Variants in DHX34 observed in about 807,000 individuals in gnomAD.
The protein encoded by DHX34 is probable ATP-dependent RNA helicase DHX34.
Under a neutral mutation model 111.1 loss-of-function variants are expected in DHX34, and 96 were observed. The observed-to-expected ratio is 0.86, with a 90% CI of 0.73 to 1.02. The LOEUF is 1.02. Among genes scored for constraint, DHX34 ranks in the 50% least tolerant of loss-of-function variants. The pLI is 0.00. For synonymous variants in DHX34, 688 were observed against 670.4 expected (o/e 1.03, Z -0.41); for missense variants, 1,560 against 1,579.9 (o/e 0.99, Z 0.21).
intron 9 of DHX34, among the ~76,000 whole-genome samples, chr19:47,374,774 A>C (rs1055283513): frequency 6.6e-6 from 1 of 152,104 alleles, no homozygotes; most frequent in African/African-American, 2.4e-5. Context: ...TTCAGGCTTC[A>C]TTGGTCCCCA....
intron 7 of DHX34, among the ~76,000 whole-genome samples, chr19:47,370,044 G>A (rs2547385): frequency 2.6e-5 from 4 of 152,048 alleles, no homozygotes; most frequent in African/African-American, 4.8e-5. Flanking sequence ...TGACCCTGTC[G>A]TTCTTGTGTG....
At position 47,381,007 on chromosome 19, in the gene DHX34, T is replaced by TC. The variant is rs1410614454; in HGVS notation, c.3159+17dup. ...ACTGCCTCACGGTAAGCATGAACCC[T>TC]CCTTCCCTGAAGGTGGGATTTCAGG... On this transcript the variant is annotated intron_variant, in intron 15 of 16. Coordinates refer to ENST00000328771, the MANE Select transcript of DHX34 (RefSeq NM_014681.6). The TC allele has an allele frequency of 6.4e-7, 1 of 1,550,626 alleles. No homozygotes were observed. Among genetic ancestry groups the TC allele is most frequent in the Non-Finnish European group, 8.7e-7 (1 of 1,148,112 alleles).
At chr19:47,357,588 G>A (rs1969493383) in intron 3 of DHX34, among the ~76,000 whole-genome samples, 1 of 152,160 alleles carries the variant, frequency 6.6e-6, no homozygotes, top group African/African-American at 2.4e-5. Flanking sequence ...ATCCTACGAT[G>A]CACAGGACAG....
Position 47,357,856 on chromosome 19 carries a change from C to T in DHX34, c.1018-10C>T. ...AGGGTGTGCTTCTACCTGGGGCTGT[C>T]TCCTCTCAGGTTGTGTACCAGCCGC... is the stretch of plus-strand genomic sequence containing the variant. On this transcript the variant is annotated splice_polypyrimidine_tract_variant and intron_variant, in intron 3 of 16. Coordinates refer to ENST00000328771, the MANE Select transcript of DHX34 (RefSeq NM_014681.6). 6.2e-7 allele frequency: 1 copy of T among 1,607,294 alleles called. No individual in the cohort carries two copies. The highest frequency in any genetic ancestry group is 8.5e-7 in the Non-Finnish European group (1 of 1,175,142).
At chr19:47,373,832 C>A in intron 9 of DHX34, 132 bp downstream of exon 9, 1 of 1,178,240 alleles carries the variant, frequency 8.5e-7, no homozygotes, top group Non-Finnish European at 1.2e-6. Context: ...TCCCCCACCA[C>A]CCGGTGACCA....
chr19:47,354,714 G>A (rs998383897), intron 2 of DHX34, among the ~76,000 whole-genome samples: 5 of 152,092 alleles, frequency 3.3e-5, no homozygotes, highest in Non-Finnish European at 7.4e-5. Flanking sequence ...GCAATGGTGC[G>A]ATCTTGGCTC....
In DHX34 at chr19:47,352,899, A is replaced by C. The variant is rs575054182; in HGVS notation, c.-132A>C. On this transcript the variant is annotated 5_prime_UTR_variant, in exon 2 of 17. Coordinates refer to ENST00000328771, the MANE Select transcript of DHX34 (RefSeq NM_014681.6). ...TGGTCCTGTGCCGTGACCAGGAGGAAAAATTAGCTCTTTGAAGAGAAAGTA... is the reference window on the plus strand; with the variant it reads ...TGGTCCTGTGCCGTGACCAGGAGGACAAATTAGCTCTTTGAAGAGAAAGTA... 8.3e-6 allele frequency: 12 copies of C among 1,445,032 alleles called. No homozygotes were observed. In the East Asian group the frequency reaches 3.0e-4, roughly 36 times the overall value. 89.5% of individuals were successfully genotyped at this position (1,445,032 alleles called of 1,614,324 possible). A position where few individuals can be genotyped will look rare whatever the true frequency, so the allele number is the denominator to read the frequency against.
chr19:47,362,366 A>G (rs1400481162), intron 5 of DHX34, 110 bp from the exon 6 acceptor site: 6 of 1,339,040 alleles, frequency 4.5e-6, no homozygotes, highest in African/African-American at 1.5e-5. Context: ...GTTAGCATTA[A>G]CAGAATAAAG....
In DHX34 at chr19:47,357,941, G is replaced by T. The variant is rs766416052; in HGVS notation, c.1093G>T (p.Val365Leu). The T allele has an allele frequency of 6.2e-7, 1 of 1,614,034 alleles. No individual in the cohort carries two copies. The highest frequency in any genetic ancestry group is 2.2e-5 in the East Asian group (1 of 44,882). Residue 365 changes from valine to leucine, a missense_variant, in exon 4 of 17, where the codon GTG becomes TTG. Transcript: ENST00000328771. The stretch of plus-strand genomic sequence containing the variant: ...GCTGGACCCGCGGCCTTTCCTGAGG[G>T]TGCTGGAGTCCATTGACCACAAGTA... Reference protein sequence around the residue: ...EKLDPRPFLRVLESIDHKYPP... With the variant: ...EKLDPRPFLRLLESIDHKYPP...
At chr19:47,351,082 G>C (rs978777150) in intron 1 of DHX34, among the ~76,000 whole-genome samples, 5 of 151,472 alleles carry the variant, frequency 3.3e-5, no homozygotes, top group African/African-American at 7.3e-5. Context: ...AAAAAAGATA[G>C]ATACCTTGAG....
At position 47,379,159 on chromosome 19, in the gene DHX34, TAAG is replaced by T. The variant is rs1231130939; in HGVS notation, c.2707-540_2707-538del. Among the ~76,000 whole-genome samples the T allele has an allele frequency of 5.3e-3, 768 of 145,196 alleles. 5 individuals are homozygous for T. The highest frequency in any genetic ancestry group is 0.015 in the African/African-American group (603 of 40,530). On this transcript the variant is annotated intron_variant, in intron 13 of 16. Transcript: ENST00000328771. ...ATAAATAAATTAATAATAATAATAA[TAAG>T]AAGAAGAAGATGGAGAAACTTCACA...
intron 13 of DHX34, 180 bp from the exon 14 acceptor site, chr19:47,379,530 G>A: frequency 2.1e-6 from 2 of 970,706 alleles, no homozygotes; most frequent in Non-Finnish European, 2.4e-6. Context: ...CGGCTGCCTT[G>A]TTCATGCCGT....
At chr19:47,369,425 AGCCACAGCTCCTG>A (rs1478792960) in intron 7 of DHX34, among the ~76,000 whole-genome samples, 2 of 152,224 alleles carry the variant, frequency 1.3e-5, no homozygotes, top group Admixed American at 1.3e-4. Context: ...TACAGGTGTG[AGCCACAGCTCCTG>A]GCCCATTCAT....
intron 2 of DHX34, among the ~76,000 whole-genome samples, chr19:47,354,363 G>C (rs1311198372): frequency 6.6e-6 from 1 of 152,182 alleles, no homozygotes; most frequent in Non-Finnish European, 1.5e-5. Flanking sequence ...GAAATGGGTT[G>C]ATATACATAA....
At chr19:47,358,804 CG>C (rs1969539556) in intron 4 of DHX34, among the ~76,000 whole-genome samples, 1 of 151,988 alleles carries the variant, frequency 6.6e-6, no homozygotes, top group Admixed American at 6.6e-5. Context: ...TGAGTAGAGA[CG>C]GGGTTTCGCC....
At chr19:47,361,444 C>T (rs10084148) in intron 5 of DHX34, among the ~76,000 whole-genome samples, 2,000 of 148,136 alleles carry the variant, frequency 0.014, 39 homozygotes, top group African/African-American at 0.045. Context: ...GGCAACAGAG[C>T]GAGACCCTGT....
intron 6 of DHX34, among the ~76,000 whole-genome samples, chr19:47,366,294 T>C (rs1399023802): frequency 6.6e-6 from 1 of 152,082 alleles, no homozygotes. Flanking sequence ...TTTTATTTTA[T>C]TTTTGAGATA....
intron 5 of DHX34, 22 bp downstream of exon 5, chr19:47,360,092 TA>T: frequency 6.2e-7 from 1 of 1,608,770 alleles, no homozygotes; most frequent in Non-Finnish European, 8.5e-7. Flanking sequence ...CATGAGCCCC[TA>T]CCCACCACCC....
chr19:47,353,827 C>A lies in DHX34; in HGVS notation c.705+92C>A. The stretch of plus-strand genomic sequence containing the variant: ...TATGGCAGTATCAATAAAAATGAAG[C>A]ACTTACCCTTGGACCCAGCGATGAT... On this transcript the variant is annotated intron_variant, in intron 2 of 16. Coordinates refer to ENST00000328771, the MANE Select transcript of DHX34 (RefSeq NM_014681.6). This position sits in a 1 kb window ranked among gnomAD's most constrained non-coding sequence, Gnocchi z 4.6. 4 of 1,221,956 alleles carry A rather than the reference C, an allele frequency of 3.3e-6. No individual in the cohort carries two copies. Among genetic ancestry groups the A allele is most frequent in the Non-Finnish European group, 3.3e-6 (3 of 903,548 alleles). The allele number at this position is 1,221,956 out of a possible 1,614,324, so 75.7% of individuals were successfully genotyped here.
Sources: gnomAD v4.1 joint callset for allele counts (sites outside exome capture counted in the v4.1 genomes callset) on GRCh38, gnomAD v4.1.1 for gene constraint, Gnocchi (gnomAD v3.1) non-coding constraint, MANE v1.5 for transcripts, NCBI Gene and HGNC (gene_info 2026-07-23, HGNC 2026-07-21) for gene names.